The following WWOX variants were observed in gnomAD, a reference collection of about 807,000 sequenced individuals.
WWOX encodes WW domain-containing oxidoreductase.
A neutral mutation model predicts 46.2 loss-of-function variants in WWOX; 69 were observed. The observed-to-expected ratio is 1.49, with a 90% CI of 1.23 to 1.82. The LOEUF (loss-of-function observed/expected upper bound fraction) is 1.82. Among genes scored for constraint, WWOX ranks in the 40% most tolerant of loss-of-function variants. The probability of loss-of-function intolerance (pLI) is 0.00; values close to 1 mark genes in which losing one functional copy is unlikely to be tolerated. For synonymous variants in WWOX, 359 were observed against 202.6 expected (o/e 1.77, Z -6.56); for missense variants, 919 against 542.6 (o/e 1.69, Z -6.89).
At chr16:78,777,088 T>A (rs1157592134) in intron 8 of WWOX, among the ~76,000 whole-genome samples, 1 of 152,144 alleles carries the variant, frequency 6.6e-6, no homozygotes, top group Admixed American at 6.5e-5. Context: ...GGGAATGAAG[T>A]TTAGGTCAGA....
At chr16:78,920,970 C>T (rs2045364807) in intron 8 of WWOX, among the ~76,000 whole-genome samples, 1 of 152,120 alleles carries the variant, frequency 6.6e-6, no homozygotes, top group African/African-American at 2.4e-5. Context: ...CAAATACCAG[C>T]AGCAAGGTAG....
intron 8 of WWOX, among the ~76,000 whole-genome samples, chr16:79,172,541 A>T (rs2050720577): frequency 6.6e-6 from 1 of 152,088 alleles, no homozygotes; most frequent in South Asian, 2.1e-4. Flanking sequence ...TGGCTGCATG[A>T]ATTGCATCCA....
chr16:78,915,844 C>T (rs1317111370), intron 8 of WWOX, among the ~76,000 whole-genome samples: 1 of 152,158 alleles, frequency 6.6e-6, no homozygotes, highest in Non-Finnish European at 1.5e-5. Context: ...ATCTTGATCA[C>T]CACAGCTTTA....
chr16:78,851,270 A>C (rs1329572599), intron 8 of WWOX, among the ~76,000 whole-genome samples: 2 of 152,202 alleles, frequency 1.3e-5, no homozygotes, highest in Non-Finnish European at 2.9e-5. Context: ...AGGGTCATAA[A>C]CAATAATTTT....
intron 5 of WWOX, among the ~76,000 whole-genome samples, chr16:78,322,765 T>G (rs9922483): frequency 0.46 from 70,608 of 152,032 alleles, 17,101 homozygotes; most frequent in East Asian, 0.72. Context: ...AGTACAGTCT[T>G]TTGCAACTGT....
intron 8 of WWOX, among the ~76,000 whole-genome samples, chr16:78,999,421 G>T (rs1462663297): frequency 6.6e-6 from 1 of 152,160 alleles, no homozygotes; most frequent in African/African-American, 2.4e-5. Flanking sequence ...GGTGAGCCGA[G>T]ATTGCACCAT....
intron 8 of WWOX, among the ~76,000 whole-genome samples, chr16:78,567,403 AT>A (rs1280239690): frequency 2.0e-5 from 3 of 151,212 alleles, no homozygotes; most frequent in Non-Finnish European, 2.9e-5. Flanking sequence ...AAAAAAAAAA[AT>A]TAGCCCGGCG....
intron 8 of WWOX, among the ~76,000 whole-genome samples, chr16:78,904,519 G>C (rs2044911478): frequency 1.3e-5 from 2 of 152,066 alleles, no homozygotes. Flanking sequence ...TTACAGGCAT[G>C]AGCCACCGGC....
At chr16:78,376,536 A>G (rs912654691) in intron 5 of WWOX, among the ~76,000 whole-genome samples, 2 of 152,216 alleles carry the variant, frequency 1.3e-5, no homozygotes, top group Non-Finnish European at 2.9e-5. Flanking sequence ...GTAAGTATAA[A>G]TAGCTGATGA....
At chr16:78,118,533 C>T (rs1420113145) in intron 4 of WWOX, among the ~76,000 whole-genome samples, 1 of 152,130 alleles carries the variant, frequency 6.6e-6, no homozygotes, top group African/African-American at 2.4e-5. Context: ...CACAGCCATG[C>T]CCATTTATTC....
intron 8 of WWOX, among the ~76,000 whole-genome samples, chr16:79,201,700 A>C (rs2051355237): frequency 6.6e-6 from 1 of 151,590 alleles, no homozygotes; most frequent in Admixed American, 6.6e-5. Context: ...CTCATTGAAG[A>C]GTGAATGTTG....
chr16:79,072,497 G>T (rs575311169), intron 8 of WWOX, among the ~76,000 whole-genome samples: 1 of 152,130 alleles, frequency 6.6e-6, no homozygotes, highest in Non-Finnish European at 1.5e-5. Flanking sequence ...TTTATTTCTG[G>T]ACAGAGAAAA....
chr16:78,924,065 C>T (rs190800122), intron 8 of WWOX, among the ~76,000 whole-genome samples: 28 of 151,984 alleles, frequency 1.8e-4, no homozygotes, highest in Non-Finnish European at 3.4e-4. Context: ...ATTCCACCCA[C>T]CTTGGCCTCC....
chr16:78,616,913 C>A (rs35966401), intron 8 of WWOX, among the ~76,000 whole-genome samples: 1 of 152,252 alleles, frequency 6.6e-6, no homozygotes, highest in East Asian at 1.9e-4. Context: ...TTTGGGGGGA[C>A]ACATTCAGAC....
chr16:78,569,887 C>A (rs1280054463), intron 8 of WWOX, among the ~76,000 whole-genome samples: 4 of 152,162 alleles, frequency 2.6e-5, no homozygotes, highest in Non-Finnish European at 5.9e-5. Context: ...CATCATCTTC[C>A]TTGATCATAA....
chr16:78,456,723 T>A (rs2083826737), intron 8 of WWOX, among the ~76,000 whole-genome samples: 1 of 152,226 alleles, frequency 6.6e-6, no homozygotes. Flanking sequence ...AGAGAAAAGG[T>A]AGAATATCCA....
At chr16:79,049,151 C>A (rs2048119877) in intron 8 of WWOX, among the ~76,000 whole-genome samples, 2 of 152,208 alleles carry the variant, frequency 1.3e-5, no homozygotes, top group African/African-American at 2.4e-5. Context: ...GTGACCCATA[C>A]AGTCACCATC....
chr16:78,392,052 G>T (rs1249017729), intron 6 of WWOX, among the ~76,000 whole-genome samples: 1 of 151,550 alleles, frequency 6.6e-6, no homozygotes, highest in East Asian at 1.9e-4. Flanking sequence ...AAGGGACCAG[G>T]GTGTTCTCTA....
chr16:78,219,556 G>A (rs1278100700), intron 5 of WWOX, among the ~76,000 whole-genome samples: 7 of 152,114 alleles, frequency 4.6e-5, no homozygotes, highest in Non-Finnish European at 1.0e-4. Flanking sequence ...AACTCTCAGA[G>A]CTTGTCTCCT....
Sources: allele counts gnomAD v4.1 joint callset (sites outside exome capture counted in the v4.1 genomes callset), GRCh38; gene constraint gnomAD v4.1.1; transcripts MANE v1.5; gene names NCBI Gene and HGNC (gene_info 2026-07-23, HGNC 2026-07-21).